Variants in CHEK2 observed in about 807,000 individuals in gnomAD.
CHEK2 encodes checkpoint kinase 2.
A neutral mutation model predicts 69.1 loss-of-function variants in CHEK2; 71 were observed. The observed-to-expected ratio is 1.03, with a 90% CI of 0.85 to 1.25. CHEK2 has a LOEUF of 1.25. Among genes scored for constraint, CHEK2 ranks in the 50% most tolerant of loss-of-function variants. CHEK2 has a pLI of 0.00. For missense variants in CHEK2, 664 were observed against 649.6 expected, an observed-to-expected ratio of 1.02 and a Z score of -0.24; for synonymous variants, 189 against 226.9, an observed-to-expected ratio of 0.83 and a Z score of 1.50.
intron 9 of CHEK2, among the ~76,000 whole-genome samples, chr22:28,698,380 G>C (rs1303860135): frequency 1.3e-5 from 2 of 152,014 alleles, no homozygotes; most frequent in African/African-American, 4.8e-5. Flanking sequence ...GGGCGACACA[G>C]TGAGACATCA....
intron 7 of CHEK2, among the ~76,000 whole-genome samples, chr22:28,706,564 T>C (rs1194704317): frequency 6.6e-6 from 1 of 152,110 alleles, no homozygotes; most frequent in Non-Finnish European, 1.5e-5. Flanking sequence ...CCACCTCAGC[T>C]TCCCAAAGTG....
intron 1 of CHEK2, among the ~76,000 whole-genome samples, chr22:28,740,028 C>T (rs1463828649): frequency 6.6e-6 from 1 of 151,942 alleles, no homozygotes; most frequent in East Asian, 1.9e-4. Context: ...TGGTGAAACC[C>T]CAACTCTACT....
At chr22:28,708,715 G>A in intron 7 of CHEK2, 1 of 159,458 alleles carries the variant, frequency 6.3e-6, no homozygotes, top group Non-Finnish European at 1.4e-5. Flanking sequence ...TGTAATCCCA[G>A]CACTTTGGGA....
At chr22:28,728,821 T>C (rs1046326439) in intron 2 of CHEK2, among the ~76,000 whole-genome samples, 12 of 151,552 alleles carry the variant, frequency 7.9e-5, no homozygotes, top group African/African-American at 2.9e-4. Flanking sequence ...CCCATCTCTA[T>C]CAAAATAAAA....
chr22:28,723,651 T>TA (rs2053884747), intron 4 of CHEK2, among the ~76,000 whole-genome samples: 1 of 61,654 alleles, frequency 1.6e-5, no homozygotes, highest in African/African-American at 5.9e-5. Flanking sequence ...TATACAGAAA[T>TA]AAATGAATAG....
chr22:28,717,256 T>C (rs2053617712), intron 5 of CHEK2, among the ~76,000 whole-genome samples: 1 of 152,064 alleles, frequency 6.6e-6, no homozygotes, highest in Non-Finnish European at 1.5e-5. Flanking sequence ...CACAGGCCTG[T>C]AGTCCCAGCT....
intron 4 of CHEK2, 97 bp from the exon 5 acceptor site, chr22:28,719,582 G>C: frequency 1.4e-6 from 1 of 721,010 alleles, no homozygotes; most frequent in Non-Finnish European, 2.4e-6. Flanking sequence ...TATAAGAACT[G>C]TTTTTAACTA....
Position 28,719,486 on chromosome 22 carries a change from C to G in CHEK2, c.593-1G>C, listed in dbSNP as rs786203229. The G allele has an allele frequency of 6.4e-7, 1 of 1,562,674 alleles. No homozygotes were observed. Among genetic ancestry groups the G allele is most frequent in the Non-Finnish European group, 8.8e-7 (1 of 1,142,334 alleles). On this transcript the variant is annotated splice_acceptor_variant, in intron 4 of 14. Coordinates refer to ENST00000404276, the MANE Select transcript of CHEK2 (RefSeq NM_007194.4). LOFTEE classifies it high-confidence loss of function. ...ACAGTCAGATCAAAAAAGACAAAAA[C>G]TAAGGAAGAAAAGAGTAGAAATGGG...
At chr22:28,688,844 A>AT (rs2052227894) in intron 14 of CHEK2, among the ~76,000 whole-genome samples, 1 of 152,222 alleles carries the variant, frequency 6.6e-6, no homozygotes, top group Non-Finnish European at 1.5e-5. Context: ...TGTTCAACAA[A>AT]TTTATATTTG....
At chr22:28,697,828 A>G (rs1234521827) in intron 9 of CHEK2, among the ~76,000 whole-genome samples, 2 of 152,070 alleles carry the variant, frequency 1.3e-5, no homozygotes, top group African/African-American at 4.8e-5. Flanking sequence ...TTCCCACCTC[A>G]GCCTCCCAAA....
rs1060504697 is a variant in CHEK2 at position 28,694,065 on chromosome 22, C to T, written c.1428G>A (p.Thr476=). 3.1e-6 allele frequency: 5 copies of T among 1,596,090 alleles called. No homozygotes were observed. Among genetic ancestry groups the T allele is most frequent in the Admixed American group, 1.7e-5 (1 of 60,000 alleles). The part of the protein sequence containing the change: ...LLVVDPKARF[T]TEEALRHPWL... The stretch of plus-strand genomic sequence containing the variant: ...ACGGGTGTCTTAAGGCTTCTTCTGT[C>T]GTAAAACGTGCCTTTGGATCCACTA... Residue 476 remains threonine (T), a synonymous_variant, in exon 13 of 15, where the codon ACG becomes ACA. Coordinates refer to ENST00000404276, the MANE Select transcript of CHEK2 (RefSeq NM_007194.4).
chr22:28,713,279 AT>A (rs1478221818), intron 5 of CHEK2, among the ~76,000 whole-genome samples: 2 of 152,194 alleles, frequency 1.3e-5, no homozygotes, highest in Non-Finnish European at 2.9e-5. Flanking sequence ...CAACAAAAGC[AT>A]AAGCAACAAA....
chr22:28,732,526 C>T lies in CHEK2; in HGVS notation c.319+1877G>A, dbSNP rs576139894. Reference sequence around the variant, plus strand: ...TCTCTCAACGTGCTGGGATTACAGGCATGAGCCACAATGCCCGGTCTGAAA... The same window carrying T: ...TCTCTCAACGTGCTGGGATTACAGGTATGAGCCACAATGCCCGGTCTGAAA... On this transcript the variant is annotated intron_variant, in intron 2 of 14. Transcript: ENST00000404276. Among the ~76,000 whole-genome samples the T allele has an allele frequency of 9.2e-5, 14 of 152,280 alleles. No individual in the cohort carries two copies. In the South Asian group the frequency reaches 2.7e-3, roughly 29 times the overall value.
At chr22:28,711,845 G>C (rs557164415) in intron 6 of CHEK2, 64 bp downstream of exon 6, 2 of 1,092,486 alleles carry the variant, frequency 1.8e-6, no homozygotes, top group African/African-American at 3.1e-5. Flanking sequence ...ATCAATCTAA[G>C]ATTATTTTGG....
At chr22:28,712,382 C>T in intron 5 of CHEK2, 2 of 296,756 alleles carry the variant, frequency 6.7e-6, no homozygotes, top group Non-Finnish European at 1.3e-5. Flanking sequence ...AAAATAAGTG[C>T]CCAAAACAAA....
At chr22:28,708,441 CA>C (rs1443187133) in intron 7 of CHEK2, among the ~76,000 whole-genome samples, 1 of 149,766 alleles carries the variant, frequency 6.7e-6, no homozygotes, top group African/African-American at 2.5e-5. Flanking sequence ...AAGGACCTGG[CA>C]AATTCAGAGA....
rs863224415 is a variant in CHEK2, at chr22:28,734,638, G to A, written c.84C>T (p.Ser28=). ...CCTGGGACTGTGAGGAGGAGCCTTG[G>A]GACTGGGTAACGCTGCCATGGGGCT... ...CSQPHGSVTQ[S]QGSSSQSQGI... Residue 28 remains serine (S), a synonymous_variant, in exon 2 of 15, where the codon TCC becomes TCT. Transcript: ENST00000404276. 6.2e-7 allele frequency: 1 copy of A among 1,613,884 alleles called. No homozygotes were observed. Among genetic ancestry groups the A allele is most frequent in the African/African-American group, 1.3e-5 (1 of 74,952 alleles).
At chr22:28,734,375 C>T (rs774308320) in intron 2 of CHEK2, 28 bp downstream of exon 2, 77 of 1,606,736 alleles carry the variant, frequency 4.8e-5, no homozygotes, top group Non-Finnish European at 6.6e-5. Flanking sequence ...CTGAACAAAA[C>T]GTGATACTAT....
chr22:28,731,300 T>A (rs1035443591), intron 2 of CHEK2, among the ~76,000 whole-genome samples: 1 of 152,062 alleles, frequency 6.6e-6, no homozygotes, highest in Non-Finnish European at 1.5e-5. Context: ...TAACAAATAA[T>A]AATAATAAAC....
Sources: gnomAD v4.1 joint callset for allele counts (sites outside exome capture counted in the v4.1 genomes callset) on GRCh38, gnomAD v4.1.1 for gene constraint, MANE v1.5 for transcripts, NCBI Gene and HGNC (gene_info 2026-07-23, HGNC 2026-07-21) for gene names.